GALNT10: variants seen among roughly 807,000 people sequenced by gnomAD.
GALNT10 encodes the protein polypeptide N-acetylgalactosaminyltransferase 10.
A neutral mutation model predicts 75.0 loss-of-function variants in GALNT10; 41 were observed. The ratio of observed to expected loss-of-function variants is 0.55; its 90% confidence interval spans 0.43 to 0.71. The LOEUF (loss-of-function observed/expected upper bound fraction) is 0.71. Among genes scored for constraint, GALNT10 ranks in the 30% least tolerant of loss-of-function variants. The pLI is 0.00. For missense variants in GALNT10, 727 were observed against 818.5 expected (o/e 0.89, Z 1.36); for synonymous variants, 302 against 313.0 (o/e 0.96, Z 0.37).
chr5:154,408,323 AC>A (rs1756325902), intron 8 of GALNT10, among the ~76,000 whole-genome samples: 1 of 152,110 alleles, frequency 6.6e-6, no homozygotes, highest in African/African-American at 2.4e-5. Context: ...CTCCCCTTTA[AC>A]CTTTCAGAGG....
chr5:154,246,388 T>A (rs1000169235), intron 1 of GALNT10, among the ~76,000 whole-genome samples: 4 of 152,220 alleles, frequency 2.6e-5, no homozygotes, highest in Non-Finnish European at 4.4e-5. Flanking sequence ...CGCCACACTG[T>A]CTTCCACAAT....
intron 3 of GALNT10, among the ~76,000 whole-genome samples, chr5:154,318,158 A>G (rs1378355331): frequency 1.3e-5 from 2 of 152,226 alleles, no homozygotes; most frequent in Non-Finnish European, 2.9e-5. Context: ...CCAGCCCTAT[A>G]CAGGTGAGGT....
intron 4 of GALNT10, among the ~76,000 whole-genome samples, chr5:154,349,901 G>C (rs1044881265): frequency 6.6e-6 from 1 of 152,164 alleles, no homozygotes; most frequent in Non-Finnish European, 1.5e-5. Context: ...TGTGTTGTCT[G>C]TTACAGTAGC....
intron 4 of GALNT10, among the ~76,000 whole-genome samples, chr5:154,344,688 A>C (rs1755093244): frequency 6.6e-6 from 1 of 152,164 alleles, no homozygotes; most frequent in Non-Finnish European, 1.5e-5. Context: ...CCACACACAA[A>C]GTCTATTTTT....
chr5:154,314,321 T>TG (rs1461568491), intron 3 of GALNT10, among the ~76,000 whole-genome samples: 2 of 152,110 alleles, frequency 1.3e-5, no homozygotes, highest in Non-Finnish European at 2.9e-5. Context: ...TCACCACACC[T>TG]GTAGTTGCAT....
intron 4 of GALNT10, among the ~76,000 whole-genome samples, chr5:154,364,999 G>A (rs754135898): frequency 7.9e-5 from 12 of 152,192 alleles, no homozygotes; most frequent in Non-Finnish European, 1.8e-4. Context: ...TTCGTCGTCT[G>A]ATTATTAAAC....
chr5:154,309,786 C>T (rs1049987281), intron 3 of GALNT10, among the ~76,000 whole-genome samples: 2 of 152,178 alleles, frequency 1.3e-5, no homozygotes, highest in Non-Finnish European at 2.9e-5. Context: ...AAGTTTGCGA[C>T]ACTGTTTCAC....
At chr5:154,393,899 C>T (rs1755959362) in intron 7 of GALNT10, among the ~76,000 whole-genome samples, 1 of 152,140 alleles carries the variant, frequency 6.6e-6, no homozygotes, top group Non-Finnish European at 1.5e-5. Flanking sequence ...CCAGCCCACC[C>T]CCATCCATAT....
rs1326142127 is a variant in GALNT10 at position 154,380,505 on chromosome 5, A to G, written c.812A>G (p.His271Arg). 1.9e-6 allele frequency: 3 copies of G among 1,614,090 alleles called. No individual in the cohort carries two copies. Among genetic ancestry groups the G allele is most frequent in the East Asian group, 2.2e-5 (1 of 44,876 alleles). The part of the protein sequence containing the change: ...IVCPMIDVID[H>R]DDFRYETQAG... Reference sequence around the variant, plus strand: ...TGCCCGATGATTGATGTAATTGACCATGACGACTTTCGGTACGAGACACAG... The same window carrying G: ...TGCCCGATGATTGATGTAATTGACCGTGACGACTTTCGGTACGAGACACAG... Residue 271 changes from histidine (H) to arginine (R), a missense_variant, in exon 6 of 12, where the codon CAT becomes CGT. Physicochemically the swap from His to Arg is conservative, Grantham distance 29 (BLOSUM62 0). Transcript: ENST00000297107.
chr5:154,240,076 A>G (rs1174676511), intron 1 of GALNT10, among the ~76,000 whole-genome samples: 2 of 152,210 alleles, frequency 1.3e-5, no homozygotes, highest in Non-Finnish European at 2.9e-5. Flanking sequence ...CTTCCCTTGT[A>G]GTGTTGCCCA....
chr5:154,368,941 T>C (rs1277869570), intron 4 of GALNT10, among the ~76,000 whole-genome samples: 1 of 152,230 alleles, frequency 6.6e-6, no homozygotes, highest in Non-Finnish European at 1.5e-5. Context: ...TGGTTAATAA[T>C]AACAGCTTTG....
intron 6 of GALNT10, 23 bp downstream of exon 6, chr5:154,380,654 G>T (rs753486): frequency 1.9e-6 from 3 of 1,559,768 alleles, no homozygotes; most frequent in South Asian, 2.3e-5. Context: ...AACCCTGGCT[G>T]GTCCCAGTGG....
intron 5 of GALNT10, among the ~76,000 whole-genome samples, chr5:154,378,890 G>A (rs1156892785): frequency 1.3e-5 from 2 of 152,148 alleles, no homozygotes; most frequent in African/African-American, 2.4e-5. Flanking sequence ...TCCGCTGAAC[G>A]GCCATGAACA....
chr5:154,204,643 G>C (rs1265348096), intron 1 of GALNT10, among the ~76,000 whole-genome samples: 1 of 152,116 alleles, frequency 6.6e-6, no homozygotes, highest in Non-Finnish European at 1.5e-5. Context: ...ATGTGGTCCT[G>C]CCTGTAATAC....
Position 154,297,975 on chromosome 5 carries a change from C to T in GALNT10, c.297C>T (p.Thr99=), listed in dbSNP as rs766487381. ...NGEQGRPYPM[T]DAERVDQAYR... ...AACAAGGAAGACCTTACCCCATGACCGATGCTGAGAGAGTGGATCAGGCAT... is the reference window on the plus strand; with the variant it reads ...AACAAGGAAGACCTTACCCCATGACTGATGCTGAGAGAGTGGATCAGGCAT... Residue 99 remains threonine, a synonymous_variant, in exon 3 of 12, where the codon ACC becomes ACT. Coordinates refer to ENST00000297107, the MANE Select transcript of GALNT10 (RefSeq NM_198321.4). The T allele has an allele frequency of 3.0e-5, 49 of 1,613,530 alleles. No homozygotes were observed. In the South Asian group the frequency reaches 3.3e-4, roughly 11 times the overall value.
chr5:154,269,386 CAA>C, intron 1 of GALNT10, among the ~76,000 whole-genome samples: 1 of 152,244 alleles, frequency 6.6e-6, no homozygotes, highest in East Asian at 1.9e-4. Flanking sequence ...AAAATACACA[CAA>C]AAAAGTCCTA....
At chr5:154,377,616 A>T (rs571034625) in intron 5 of GALNT10, among the ~76,000 whole-genome samples, 72 of 152,280 alleles carry the variant, frequency 4.7e-4, no homozygotes, top group Non-Finnish European at 4.3e-4. Context: ...CTGGTTAGGG[A>T]ATGCCACCAT....
chr5:154,246,702 G>T (rs1399899865), intron 1 of GALNT10, among the ~76,000 whole-genome samples: 1 of 152,170 alleles, frequency 6.6e-6, no homozygotes, highest in East Asian at 1.9e-4. Flanking sequence ...GTAGATTCTG[G>T]ATATTAGCCC....
intron 3 of GALNT10, among the ~76,000 whole-genome samples, chr5:154,314,952 G>A (rs1444289982): frequency 6.6e-6 from 1 of 152,026 alleles, no homozygotes; most frequent in African/African-American, 2.4e-5. Flanking sequence ...TGCTCTTAAT[G>A]TCATGATGGC....
Sources: allele counts gnomAD v4.1 joint callset (sites outside exome capture counted in the v4.1 genomes callset), GRCh38; gene constraint gnomAD v4.1.1; transcripts MANE v1.5; gene names NCBI Gene and HGNC (gene_info 2026-07-23, HGNC 2026-07-21).